PTPRD: variants seen among roughly 807,000 people sequenced by gnomAD.
PTPRD encodes the protein receptor-type tyrosine-protein phosphatase delta.
Under a neutral mutation model 214.5 loss-of-function variants are expected in PTPRD, and 34 were observed. That is an observed-to-expected ratio of 0.16 (90% CI 0.12 to 0.21). The LOEUF (loss-of-function observed/expected upper bound fraction) is 0.21, where lower values mean the gene tolerates loss of function less well. Ranked by LOEUF, PTPRD falls within the 10% of genes least tolerant of loss-of-function variation. The pLI is 1.00. For missense variants in PTPRD, 2,545 were observed against 2,398.7 expected (o/e 1.06, Z -1.27); for synonymous variants, 1,128 against 845.7 (o/e 1.33, Z -5.79).
intron 3 of PTPRD, among the ~76,000 whole-genome samples, chr9:10,210,895 T>C (rs1332211499): frequency 1.4e-5 from 2 of 147,992 alleles, no homozygotes; most frequent in African/African-American, 4.9e-5. Flanking sequence ...CTTTCCAGGT[T>C]TGCAAGTTCA....
chr9:8,888,291 A>G (rs1217086491), intron 11 of PTPRD, among the ~76,000 whole-genome samples: 2 of 152,208 alleles, frequency 1.3e-5, no homozygotes, highest in African/African-American at 4.8e-5. Flanking sequence ...CCGTTCATTT[A>G]CATGGCTATT....
chr9:9,304,533 T>A (rs1476512376), intron 9 of PTPRD, among the ~76,000 whole-genome samples: 2 of 152,076 alleles, frequency 1.3e-5, no homozygotes, highest in African/African-American at 2.4e-5. Flanking sequence ...GCATTTTAGA[T>A]GCTCTGTGTA....
At chr9:9,814,618 T>C (rs1455868343) in intron 5 of PTPRD, among the ~76,000 whole-genome samples, 1 of 151,968 alleles carries the variant, frequency 6.6e-6, no homozygotes. Context: ...TGTCAAACAG[T>C]GGTGAAATAA....
At chr9:8,360,980 G>A (rs560419762) in intron 39 of PTPRD, among the ~76,000 whole-genome samples, 3 of 152,124 alleles carry the variant, frequency 2.0e-5, no homozygotes, top group Non-Finnish European at 4.4e-5. Context: ...TATTGATGAG[G>A]TATCCCAAAT....
At chr9:10,255,837 T>C (rs1215471970) in intron 3 of PTPRD, among the ~76,000 whole-genome samples, 1 of 152,184 alleles carries the variant, frequency 6.6e-6, no homozygotes, top group African/African-American at 2.4e-5. Flanking sequence ...TAAAACTGTT[T>C]TGAAAAACTA....
chr9:9,529,157 C>A (rs868606704), intron 8 of PTPRD, among the ~76,000 whole-genome samples: 1 of 151,812 alleles, frequency 6.6e-6, no homozygotes, highest in East Asian at 1.9e-4. Flanking sequence ...TGGTCTCGAA[C>A]TCCTGACCTC....
intron 3 of PTPRD, among the ~76,000 whole-genome samples, chr9:10,204,488 C>CT (rs2099456423): frequency 6.6e-6 from 1 of 152,036 alleles, no homozygotes; most frequent in South Asian, 2.1e-4. Flanking sequence ...TTTCCGTCAT[C>CT]TAGTTGGCTA....
chr9:8,599,613 C>CCCCCCCCCTTCTT (rs2094698008), intron 14 of PTPRD, among the ~76,000 whole-genome samples: 1 of 53,428 alleles, frequency 1.9e-5, no homozygotes, highest in Non-Finnish European at 3.6e-5. Flanking sequence ...CCCGCCCACC[C>CCCCCCCCCTTCTT]TTTTTTTTTT....
At chr9:9,569,890 A>C (rs1041569705) in intron 8 of PTPRD, among the ~76,000 whole-genome samples, 5 of 151,578 alleles carry the variant, frequency 3.3e-5, no homozygotes, top group African/African-American at 9.7e-5. Context: ...AGGTGTGAAG[A>C]GGTGATAATC....
chr9:10,384,765 T>G (rs1026936602), intron 2 of PTPRD, among the ~76,000 whole-genome samples: 1 of 71,118 alleles, frequency 1.4e-5, no homozygotes, highest in Non-Finnish European at 2.8e-5. Context: ...TCTCTAAATT[T>G]GTCAGAAAAA....
chr9:8,778,458 G>A (rs189905829), intron 11 of PTPRD, among the ~76,000 whole-genome samples: 6 of 152,234 alleles, frequency 3.9e-5, no homozygotes, highest in Admixed American at 2.0e-4. Context: ...ATAACAGAGC[G>A]ACCGTGTCTG....
At chr9:9,554,383 A>G (rs1168655173) in intron 8 of PTPRD, among the ~76,000 whole-genome samples, 4 of 149,842 alleles carry the variant, frequency 2.7e-5, no homozygotes, top group Admixed American at 2.0e-4. Flanking sequence ...ACTAGTGCAC[A>G]CTGTGACAAA....
intron 10 of PTPRD, among the ~76,000 whole-genome samples, chr9:9,031,927 G>A (rs2044362): frequency 0.017 from 2,518 of 152,012 alleles, 76 homozygotes; most frequent in African/African-American, 0.057. Flanking sequence ...CTACCTATTG[G>A]TCTTATCTAC....
At chr9:9,455,862 G>A (rs1018981491) in intron 8 of PTPRD, among the ~76,000 whole-genome samples, 3 of 151,742 alleles carry the variant, frequency 2.0e-5, no homozygotes, top group Admixed American at 2.0e-4. Context: ...CTAGAGCAGG[G>A]AAAGAGGGAC....
At chr9:9,993,282 T>C (rs1323899680) in intron 4 of PTPRD, among the ~76,000 whole-genome samples, 1 of 152,208 alleles carries the variant, frequency 6.6e-6, no homozygotes, top group Non-Finnish European at 1.5e-5. Flanking sequence ...AATTTCATTC[T>C]TAGGTACATA....
intron 9 of PTPRD, among the ~76,000 whole-genome samples, chr9:9,195,911 AT>A (rs1309489273): frequency 6.6e-6 from 1 of 152,152 alleles, no homozygotes; most frequent in African/African-American, 2.4e-5. Flanking sequence ...GGCTACATAA[AT>A]GCTGATATTT....
intron 44 of PTPRD, among the ~76,000 whole-genome samples, chr9:8,323,829 T>C (rs1830823491): frequency 6.6e-6 from 1 of 152,170 alleles, no homozygotes; most frequent in Non-Finnish European, 1.5e-5. Context: ...AGCAGCAGGG[T>C]TGCAGAGGAA....
At chr9:9,236,189 G>C (rs967204357) in intron 9 of PTPRD, among the ~76,000 whole-genome samples, 1 of 152,066 alleles carries the variant, frequency 6.6e-6, no homozygotes, top group Non-Finnish European at 1.5e-5. Context: ...GGAGGTGGAG[G>C]CTGCAGTGAG....
intron 12 of PTPRD, chr9:8,713,984 A>T (rs972130447): frequency 1.7e-5 from 10 of 603,960 alleles, no homozygotes; most frequent in Non-Finnish European, 2.9e-5. Flanking sequence ...ACAGTGACTC[A>T]ATTTCAGGCT....
Sources: allele counts gnomAD v4.1 joint callset (sites outside exome capture counted in the v4.1 genomes callset), GRCh38; gene constraint gnomAD v4.1.1; transcripts MANE v1.5; gene names NCBI Gene and HGNC (gene_info 2026-07-23, HGNC 2026-07-21).